Variants in IGF2BP1 observed in about 807,000 individuals in gnomAD.
IGF2BP1 encodes the protein insulin-like growth factor 2 mRNA-binding protein 1.
IGF2BP1 carries 11 observed loss-of-function variants against 74.9 expected under a neutral mutation model. The ratio of observed to expected loss-of-function variants is 0.15; its 90% CI spans 0.09 to 0.24. The LOEUF is 0.24. Ranked by LOEUF, IGF2BP1 falls within the 10% of genes least tolerant of loss-of-function variation. The pLI, the probability that IGF2BP1 is intolerant of heterozygous loss-of-function variation, is 1.00. For missense variants in IGF2BP1, 440 were observed against 757.4 expected, an observed-to-expected ratio of 0.58 and a Z score of 4.92; for synonymous variants, 287 against 281.8, an observed-to-expected ratio of 1.02 and a Z score of -0.18.
chr17:49,044,006 G>T lies in IGF2BP1; in HGVS notation c.1240G>T (p.Ala414Ser). The T allele has an allele frequency of 1.2e-6, 2 of 1,614,064 alleles. No individual in the cohort carries two copies. The highest frequency in any genetic ancestry group is 1.7e-6 in the Non-Finnish European group (2 of 1,180,006). Reference protein sequence around the residue: ...EQEMVQVFIPAQAVGAIIGKK... With the variant: ...EQEMVQVFIPSQAVGAIIGKK... ...GGAGATGGTGCAGGTGTTTATCCCC[G>T]CCCAGGCAGTGGGCGCCATCATCGG... Residue 414 changes from alanine to serine, a missense_variant, in exon 11 of 15, where the codon GCC (alanine) becomes TCC (serine). Ala to Ser is a moderately conservative substitution (Grantham distance 99, BLOSUM62 1). Coordinates refer to ENST00000290341, the MANE Select transcript of IGF2BP1 (RefSeq NM_006546.4).
intron 2 of IGF2BP1, among the ~76,000 whole-genome samples, chr17:49,019,131 C>G (rs1481134641): frequency 6.6e-6 from 1 of 152,134 alleles, no homozygotes; most frequent in Non-Finnish European, 1.5e-5. Flanking sequence ...ATGGCATCCT[C>G]GCTTCTGGGT....
chr17:49,005,410 A>T (rs2041539194), intron 2 of IGF2BP1, among the ~76,000 whole-genome samples: 1 of 152,186 alleles, frequency 6.6e-6, no homozygotes, highest in African/African-American at 2.4e-5. Context: ...TAGAGAGCAA[A>T]CAGCTCGATG....
intron 3 of IGF2BP1, 72 bp from the exon 4 acceptor site, chr17:49,026,394 G>A (rs1247294712): frequency 7.5e-6 from 10 of 1,334,842 alleles, no homozygotes; most frequent in Non-Finnish European, 8.6e-6. Flanking sequence ...TGGGATGCAG[G>A]GTGTCCAGTG....
chr17:49,026,063 C>G (rs1403860949), intron 3 of IGF2BP1, among the ~76,000 whole-genome samples: 2 of 151,970 alleles, frequency 1.3e-5, no homozygotes, highest in African/African-American at 4.8e-5. Flanking sequence ...CCATGTTGAT[C>G]AGGCTGGTCT....
At chr17:49,042,151 C>A in intron 8 of IGF2BP1, 91 bp from the exon 9 acceptor site, 1 of 1,526,646 alleles carries the variant, frequency 6.6e-7, no homozygotes, top group Non-Finnish European at 9.0e-7. Flanking sequence ...AAATGGTGGG[C>A]CTGTGACTCA....
At chr17:49,047,515 G>T in intron 14 of IGF2BP1, among the ~76,000 whole-genome samples, 1 of 151,640 alleles carries the variant, frequency 6.6e-6, no homozygotes. Context: ...CTTTAATTCA[G>T]CGTTTTTTTT....
intron 7 of IGF2BP1, among the ~76,000 whole-genome samples, chr17:49,040,769 C>T (rs895275531): frequency 2.0e-5 from 3 of 152,208 alleles, no homozygotes; most frequent in Non-Finnish European, 2.9e-5. Context: ...TAGAATTCCA[C>T]AGTATAGCTA....
intron 2 of IGF2BP1, among the ~76,000 whole-genome samples, chr17:49,024,674 G>C (rs1016988951): frequency 3.3e-5 from 5 of 152,316 alleles, no homozygotes; most frequent in African/African-American, 1.2e-4. Flanking sequence ...GTAAAGGTCA[G>C]TATTAGTAAG....
intron 12 of IGF2BP1, 92 bp downstream of exon 12, chr17:49,045,157 G>A (rs1410880421): frequency 9.3e-6 from 10 of 1,078,876 alleles, no homozygotes; most frequent in Admixed American, 5.3e-5. Flanking sequence ...TCAGTTTCCC[G>A]TTAGCTGTCA....
intron 2 of IGF2BP1, among the ~76,000 whole-genome samples, chr17:49,008,952 A>G (rs1016109652): frequency 2.0e-5 from 3 of 152,058 alleles, no homozygotes; most frequent in African/African-American, 7.2e-5. Flanking sequence ...GCCCTTTGCT[A>G]GGTATTAGAA....
intron 5 of IGF2BP1, among the ~76,000 whole-genome samples, chr17:49,035,036 C>A (rs1025544140): frequency 2.0e-5 from 3 of 152,312 alleles, no homozygotes; most frequent in Non-Finnish European, 2.9e-5. Context: ...TTAAAACTTA[C>A]ATCAAACTAC....
chr17:48,999,181 C>G lies in IGF2BP1; in HGVS notation c.236+12C>G. 1 of 1,041,296 alleles carries G rather than the reference C, an allele frequency of 9.6e-7. No individual in the cohort carries two copies. The highest frequency in any genetic ancestry group is 1.4e-6 in the Non-Finnish European group (1 of 722,782). 64.5% of individuals were successfully genotyped at this position (1,041,296 alleles called of 1,614,324 possible). ...CCCAAAAAACAAAGGTAGGAAAGAGCTCTTTTCGGGGGGGGTGGGGGGGCC... is the reference window on the plus strand; with the variant it reads ...CCCAAAAAACAAAGGTAGGAAAGAGGTCTTTTCGGGGGGGGTGGGGGGGCC... On this transcript the variant is annotated intron_variant, in intron 2 of 14. Coordinates refer to ENST00000290341, the MANE Select transcript of IGF2BP1 (RefSeq NM_006546.4).
At chr17:49,002,624 A>G (rs2041500164) in intron 2 of IGF2BP1, among the ~76,000 whole-genome samples, 1 of 152,032 alleles carries the variant, frequency 6.6e-6, no homozygotes, top group Non-Finnish European at 1.5e-5. Flanking sequence ...TGTGACTACT[A>G]TTCAACATGG....
chr17:49,026,659 GCCTTCCTGCCTT>G (rs1215950752), intron 4 of IGF2BP1, 142 bp downstream of exon 4: 22 of 558,224 alleles, frequency 3.9e-5, no homozygotes, highest in East Asian at 1.2e-4. Flanking sequence ...CTGCCTTCCT[GCCTTCCTGCCTT>G]CCTTCCTGCC....
chr17:49,044,838 A>G (rs2042092730), intron 11 of IGF2BP1, among the ~76,000 whole-genome samples, 153 bp from the exon 12 acceptor site: 1 of 152,224 alleles, frequency 6.6e-6, no homozygotes, highest in Non-Finnish European at 1.5e-5. Context: ...TGAAGGCGTA[A>G]TGATGTGGGC....
chr17:49,026,273 T>TA, intron 3 of IGF2BP1, 193 bp from the exon 4 acceptor site: 1 of 523,580 alleles, frequency 1.9e-6, no homozygotes, highest in Non-Finnish European at 3.4e-6. Flanking sequence ...AGGCAGAACT[T>TA]AAGTACACTC....
In IGF2BP1 at chr17:48,999,139, A is replaced by C. The variant is rs893542438; in HGVS notation, c.206A>C (p.Glu69Ala). ...GTAGAATTACAAGGAAAACGCTTAG[A>C]GATTGAACATTCGGTGCCCAAAAAA... ...GKVELQGKRL[E>A]IEHSVPKKQR... Residue 69 changes from glutamate to alanine, a missense_variant, in exon 2 of 15, where the codon GAG becomes GCG. By Grantham distance (107) the Glu-to-Ala change is moderately radical (BLOSUM62 -1). Around this residue, in one of 5 missense-constraint regions of IGF2BP1, gnomAD observed 105 missense variants for 199.4 expected, o/e 0.53. Transcript: ENST00000290341. 6.9e-7 allele frequency: 1 copy of C among 1,456,550 alleles called. No individual in the cohort carries two copies. The highest frequency in any genetic ancestry group is 9.2e-7 in the Non-Finnish European group (1 of 1,081,870). The allele number at this position is 1,456,550 out of a possible 1,614,324, so 90.2% of individuals were successfully genotyped here.
At chr17:48,999,197 T>TGG in intron 2 of IGF2BP1, 28 bp downstream of exon 2, 1 of 307,722 alleles carries the variant, frequency 3.2e-6, no homozygotes, top group African/African-American at 6.4e-5. Context: ...TCGGGGGGGG[T>TGG]GGGGGGGCCG....
rs1462900776 is a variant in IGF2BP1, at chr17:49,054,476, C to T, written c.*5032C>T. The T allele has an allele frequency of 6.6e-6, 1 of 152,546 alleles. No homozygotes were observed. Among genetic ancestry groups the T allele is most frequent in the Non-Finnish European group, 1.5e-5 (1 of 68,064 alleles). 9.4% of individuals were successfully genotyped at this position (152,546 alleles called of 1,614,324 possible). A position where few individuals can be genotyped will look rare whatever the true frequency, so the allele number is the denominator to read the frequency against. ...GAGGCTTGTGCCACAAAAGGTTTGT[C>T]CTTGGGGAACAGGCAGGCCTGCCAG... On this transcript the variant is annotated 3_prime_UTR_variant, in exon 15 of 15. Coordinates refer to ENST00000290341, the MANE Select transcript of IGF2BP1 (RefSeq NM_006546.4).
Sources: gnomAD v4.1 joint callset for allele counts (sites outside exome capture counted in the v4.1 genomes callset) on GRCh38, gnomAD v4.1.1 for gene constraint, gnomAD v4.1.1 regional missense constraint, MANE v1.5 for transcripts, NCBI Gene and HGNC (gene_info 2026-07-23, HGNC 2026-07-21) for gene names.